NRCAM: variants seen among roughly 807,000 people sequenced by gnomAD.
The protein encoded by NRCAM is neuronal cell adhesion molecule.
A neutral mutation model predicts 156.5 loss-of-function variants in NRCAM; 83 were observed. The ratio of observed to expected loss-of-function variants is 0.53; its 90% CI spans 0.44 to 0.64. The LOEUF (loss-of-function observed/expected upper bound fraction) is 0.64. Among genes scored for constraint, NRCAM ranks in the 30% least tolerant of loss-of-function variants. The probability of loss-of-function intolerance (pLI) is 0.00; values close to 1 mark genes in which losing one functional copy is unlikely to be tolerated. For synonymous variants in NRCAM, 538 were observed against 563.9 expected, an observed-to-expected ratio of 0.95 and a Z score of 0.65; for missense variants, 1,417 against 1,597.3, an observed-to-expected ratio of 0.89 and a Z score of 1.92.
chr7:108,347,985 A>G (rs1178934390), intron 2 of NRCAM, among the ~76,000 whole-genome samples: 2 of 152,234 alleles, frequency 1.3e-5, no homozygotes, highest in Non-Finnish European at 2.9e-5. Flanking sequence ...CTAGGAGGGT[A>G]TATTTATACA....
chr7:108,329,618 G>A (rs1429461867), intron 2 of NRCAM, among the ~76,000 whole-genome samples: 1 of 152,112 alleles, frequency 6.6e-6, no homozygotes, highest in African/African-American at 2.4e-5. Flanking sequence ...ATGAACAATG[G>A]GTGAATATAT....
In NRCAM at chr7:108,297,106, C is replaced by T. The variant is rs144922624; in HGVS notation, c.-107+15559G>A. On this transcript the variant is annotated intron_variant, in intron 3 of 32. Transcript: ENST00000379028. ...CAATCAGTCTTTGTAAACTTATGAT[C>T]GGCTTTCAACCCCACAAAGCCTGTG... Among the ~76,000 whole-genome samples, 179 of 152,290 alleles carry T rather than the reference C, an allele frequency of 1.2e-3. 2 individuals carry two copies. The highest frequency in any genetic ancestry group is 3.9e-3 in the African/African-American group (162 of 41,558).
intron 2 of NRCAM, among the ~76,000 whole-genome samples, chr7:108,336,022 C>T (rs971910752): frequency 2.6e-5 from 4 of 152,190 alleles, no homozygotes; most frequent in South Asian, 2.1e-4. Context: ...CATAAATGGA[C>T]GTCCAGAGCC....
chr7:108,178,674 T>C (rs1347911768), intron 25 of NRCAM, among the ~76,000 whole-genome samples: 1 of 152,050 alleles, frequency 6.6e-6, no homozygotes, highest in African/African-American at 2.4e-5. Flanking sequence ...CCCCCAGCCC[T>C]GGGGAAGGCC....
chr7:108,433,682 ATC>A (rs1028167173), intron 1 of NRCAM, among the ~76,000 whole-genome samples: 7 of 151,898 alleles, frequency 4.6e-5, no homozygotes, highest in African/African-American at 7.3e-5. Context: ...TCACCATGTG[ATC>A]TCTCTGCACA....
rs980505853 is a variant in NRCAM, at chr7:108,270,880, G to A, written c.-106-30710C>T. On this transcript the variant is annotated intron_variant, in intron 3 of 32. Coordinates refer to ENST00000379028, the MANE Select transcript of NRCAM (RefSeq NM_001037132.4). ...CAGGGGCTGGAAGAAAGAATGGAGA[G>A]TTCAGAGTTACTATAAATGGGTTTA... 1.6e-4 allele frequency among the ~76,000 whole-genome samples: 24 copies of A among 152,196 alleles called. 1 individual carries two copies. Among genetic ancestry groups the A allele is most frequent in the South Asian group, 8.3e-4 (4 of 4,828 alleles).
intron 1 of NRCAM, among the ~76,000 whole-genome samples, chr7:108,415,306 C>T (rs1027366284): frequency 6.6e-6 from 1 of 152,194 alleles, no homozygotes; most frequent in Non-Finnish European, 1.5e-5. Context: ...AAGGAGGTAC[C>T]TGGAAGCCCT....
intron 3 of NRCAM, among the ~76,000 whole-genome samples, chr7:108,304,557 T>C (rs1159119280): frequency 7.2e-5 from 11 of 152,184 alleles, no homozygotes; most frequent in Admixed American, 2.0e-4. Context: ...TGTTTATTAA[T>C]AAAGATGGCC....
At chr7:108,314,433 A>T (rs1444971301) in intron 2 of NRCAM, among the ~76,000 whole-genome samples, 1 of 152,176 alleles carries the variant, frequency 6.6e-6, no homozygotes, top group African/African-American at 2.4e-5. Context: ...AATGCAATCA[A>T]CTTACCCTAT....
At chr7:108,425,361 T>C (rs570424665) in intron 1 of NRCAM, among the ~76,000 whole-genome samples, 7 of 152,312 alleles carry the variant, frequency 4.6e-5, no homozygotes, top group Admixed American at 3.9e-4. Flanking sequence ...CTGACACCCC[T>C]GCACAATACT....
intron 2 of NRCAM, among the ~76,000 whole-genome samples, chr7:108,368,224 A>ACCCCCCCTCCCCCCCCCCCCCCC (rs2099604450): frequency 1.1e-5 from 1 of 91,058 alleles, no homozygotes; most frequent in Non-Finnish European, 2.2e-5. Flanking sequence ...ACACTTTCAT[A>ACCCCCCCTCCCCCCCCCCCCCCC]CCCCCCCCCA....
At chr7:108,368,660 G>A (rs1260943341) in intron 2 of NRCAM, among the ~76,000 whole-genome samples, 1 of 152,096 alleles carries the variant, frequency 6.6e-6, no homozygotes, top group Non-Finnish European at 1.5e-5. Flanking sequence ...ATGACTTCGT[G>A]TTCATTGTAG....
chr7:108,372,560 AAAG>A (rs138952059), intron 2 of NRCAM, among the ~76,000 whole-genome samples: 29,919 of 152,030 alleles, frequency 0.2, 3,504 homozygotes, highest in East Asian at 0.48. Context: ...ACATTTCTCC[AAAG>A]AAGAAAGAGA....
At chr7:108,404,275 G>C (rs1325221799) in intron 1 of NRCAM, among the ~76,000 whole-genome samples, 1 of 152,046 alleles carries the variant, frequency 6.6e-6, no homozygotes, top group African/African-American at 2.4e-5. Context: ...GTGCTGAATG[G>C]GTAAACTTTT....
At chr7:108,221,775 C>T (rs542635582) in intron 11 of NRCAM, among the ~76,000 whole-genome samples, 14 of 151,946 alleles carry the variant, frequency 9.2e-5, no homozygotes, top group African/African-American at 3.4e-4. Flanking sequence ...GATGGGTGCA[C>T]CAAAATCTCA....
chr7:108,308,135 T>TCAGGG (rs752650580), intron 3 of NRCAM, among the ~76,000 whole-genome samples: 1 of 152,228 alleles, frequency 6.6e-6, no homozygotes, highest in Non-Finnish European at 1.5e-5. Flanking sequence ...TTTATAACTT[T>TCAGGG]CATTTGGAAT....
At chr7:108,195,679 TG>T (rs201035255) in intron 15 of NRCAM, 81 bp downstream of exon 15, 2 of 779,050 alleles carry the variant, frequency 2.6e-6, no homozygotes, top group South Asian at 1.5e-5. Flanking sequence ...GTTTGTTTTT[TG>T]AATAAAACCC....
chr7:108,269,969 A>C (rs1469337368), intron 3 of NRCAM, among the ~76,000 whole-genome samples: 1 of 152,202 alleles, frequency 6.6e-6, no homozygotes, highest in Non-Finnish European at 1.5e-5. Context: ...GGTTTATCTA[A>C]TTTTACAGTG....
At chr7:108,438,989 G>C (rs1048160319) in intron 1 of NRCAM, among the ~76,000 whole-genome samples, 2 of 151,972 alleles carry the variant, frequency 1.3e-5, no homozygotes, top group Admixed American at 1.3e-4. Flanking sequence ...TAAATAAATA[G>C]ACATTAAATG....
Sources: gnomAD v4.1 joint callset for allele counts (sites outside exome capture counted in the v4.1 genomes callset) on GRCh38, gnomAD v4.1.1 for gene constraint, MANE v1.5 for transcripts, NCBI Gene and HGNC (gene_info 2026-07-23, HGNC 2026-07-21) for gene names.